Variants in SH3RF1 observed in about 807,000 individuals in gnomAD.
The protein encoded by SH3RF1 is E3 ubiquitin-protein ligase SH3RF1.
SH3RF1 carries 32 observed loss-of-function variants against 74.0 expected under a neutral mutation model. The ratio of observed to expected loss-of-function variants is 0.43; its 90% CI spans 0.33 to 0.58. SH3RF1 has a LOEUF of 0.58. SH3RF1 is among the 20% of genes least tolerant of loss of function. The probability of loss-of-function intolerance (pLI) is 0.05; values close to 1 mark genes in which losing one functional copy is unlikely to be tolerated. For synonymous variants in SH3RF1, 396 were observed against 439.6 expected (o/e 0.90, Z 1.24); for missense variants, 954 against 1,130.9 (o/e 0.84, Z 2.24).
In SH3RF1 at chr4:169,214,198, C is replaced by T. The variant is rs560566238; in HGVS notation, c.393+54622G>A. ...CCTTGCAATAATGAGTGAGCTCTCA[C>T]GAGATCTGGCTGTTTAAAAGTGTGT... On this transcript the variant is annotated intron_variant, in intron 2 of 11. Coordinates refer to ENST00000284637, the MANE Select transcript of SH3RF1 (RefSeq NM_020870.4). Among the ~76,000 whole-genome samples the T allele has an allele frequency of 2.6e-5, 4 of 152,268 alleles. No homozygotes were observed. In the East Asian group the frequency reaches 5.8e-4, roughly 22 times the overall value.
In SH3RF1 at chr4:169,117,784, T is replaced by C. The variant is rs1365775914; in HGVS notation, c.1518-2A>G. On this transcript the variant is annotated splice_acceptor_variant, in intron 8 of 11. Transcript: ENST00000284637. LOFTEE classifies it high-confidence loss of function. ...GCTTGGGAAGCATTTGTCACCGCCC[T>C]GCCAAGACACAAACATAGATGGAAA... 2 of 1,606,882 alleles carry C rather than the reference T, an allele frequency of 1.2e-6. No individual in the cohort carries two copies. Among genetic ancestry groups the C allele is most frequent in the Non-Finnish European group, 1.7e-6 (2 of 1,174,136 alleles).
At chr4:169,127,975 C>T (rs1221668900) in intron 6 of SH3RF1, among the ~76,000 whole-genome samples, 5 of 152,104 alleles carry the variant, frequency 3.3e-5, no homozygotes, top group Admixed American at 3.3e-4. Context: ...ATCTGAAATC[C>T]GAAATGCTCC....
At chr4:169,259,627 G>C (rs1461611867) in intron 2 of SH3RF1, among the ~76,000 whole-genome samples, 2 of 152,168 alleles carry the variant, frequency 1.3e-5, no homozygotes, top group African/African-American at 4.8e-5. Context: ...ATTTGTAAGA[G>C]AGCAGAAGAT....
chr4:169,225,486 C>T (rs1730642896), intron 2 of SH3RF1, among the ~76,000 whole-genome samples: 1 of 152,148 alleles, frequency 6.6e-6, no homozygotes, highest in Non-Finnish European at 1.5e-5. Flanking sequence ...GAAGGGAAGT[C>T]ATTTCAAGAA....
intron 2 of SH3RF1, chr4:169,166,199 C>A (rs1037897567): frequency 6.6e-6 from 1 of 151,814 alleles, no homozygotes; most frequent in Non-Finnish European, 1.5e-5. Flanking sequence ...GACTCAAATC[C>A]AGAATTAAAA....
chr4:169,191,592 G>A (rs1439986418), intron 2 of SH3RF1, among the ~76,000 whole-genome samples: 1 of 151,952 alleles, frequency 6.6e-6, no homozygotes, highest in Non-Finnish European at 1.5e-5. Context: ...GCCAAAGCAA[G>A]ACTAAGCAAA....
At chr4:169,137,982 G>T (rs1164705837) in intron 4 of SH3RF1, among the ~76,000 whole-genome samples, 1 of 152,176 alleles carries the variant, frequency 6.6e-6, no homozygotes, top group East Asian at 1.9e-4. Context: ...TAATCATTCA[G>T]AAATAATAGG....
At chr4:169,132,999 C>T (rs1401181740) in intron 5 of SH3RF1, among the ~76,000 whole-genome samples, 3 of 152,198 alleles carry the variant, frequency 2.0e-5, no homozygotes, top group African/African-American at 7.2e-5. Flanking sequence ...TCAATAGTCA[C>T]TAAATATAAT....
chr4:169,233,432 G>A (rs1730776706), intron 2 of SH3RF1, among the ~76,000 whole-genome samples: 1 of 152,038 alleles, frequency 6.6e-6, no homozygotes, highest in South Asian at 2.1e-4. Context: ...ACTATATTGA[G>A]TATGATTATT....
At chr4:169,220,039 A>G (rs919638976) in intron 2 of SH3RF1, 1 of 152,232 alleles carries the variant, frequency 6.6e-6, no homozygotes, top group Non-Finnish European at 1.5e-5. Flanking sequence ...GAAAGCAGAA[A>G]TGTGGGTTTT....
chr4:169,214,221 T>C (rs1730425436), intron 2 of SH3RF1, among the ~76,000 whole-genome samples: 1 of 152,162 alleles, frequency 6.6e-6, no homozygotes, highest in Non-Finnish European at 1.5e-5. Flanking sequence ...TTTAAAAGTG[T>C]GTGGCACCTC....
intron 2 of SH3RF1, among the ~76,000 whole-genome samples, chr4:169,231,771 C>T (rs1730743874): frequency 6.6e-6 from 1 of 152,136 alleles, no homozygotes; most frequent in Admixed American, 6.5e-5. Context: ...TCTGTGTGAA[C>T]CATCTGTTTT....
intron 2 of SH3RF1, among the ~76,000 whole-genome samples, chr4:169,235,308 G>C (rs952410526): frequency 6.6e-6 from 1 of 152,132 alleles, no homozygotes; most frequent in African/African-American, 2.4e-5. Context: ...TAAGTTTTTA[G>C]CAATGTCATT....
At chr4:169,225,545 A>G (rs115887677) in intron 2 of SH3RF1, among the ~76,000 whole-genome samples, 235 of 152,336 alleles carry the variant, frequency 1.5e-3, no homozygotes, top group African/African-American at 5.2e-3. Context: ...AGGAGGGTAA[A>G]CTGGGTAAAA....
intron 2 of SH3RF1, among the ~76,000 whole-genome samples, chr4:169,226,000 A>T (rs1473877448): frequency 6.6e-6 from 1 of 152,154 alleles, no homozygotes; most frequent in Non-Finnish European, 1.5e-5. Context: ...AACACAACAG[A>T]AGAGACAATG....
At chr4:169,208,493 A>C (rs1162532169) in intron 2 of SH3RF1, among the ~76,000 whole-genome samples, 1 of 152,230 alleles carries the variant, frequency 6.6e-6, no homozygotes, top group Non-Finnish European at 1.5e-5. Context: ...GTTTCTTAAA[A>C]ATATGAGTGT....
intron 2 of SH3RF1, among the ~76,000 whole-genome samples, chr4:169,202,990 G>T (rs1734935753): frequency 6.6e-6 from 1 of 152,108 alleles, no homozygotes; most frequent in African/African-American, 2.4e-5. Context: ...ACACTATTTG[G>T]GATAGACAGC....
intron 2 of SH3RF1, among the ~76,000 whole-genome samples, chr4:169,217,947 C>T (rs1730493485): frequency 6.6e-6 from 1 of 151,974 alleles, no homozygotes; most frequent in Non-Finnish European, 1.5e-5. Flanking sequence ...TGAGAACATT[C>T]CTATGGTTTT....
chr4:169,240,427 G>C (rs2110734561), intron 2 of SH3RF1, among the ~76,000 whole-genome samples: 1 of 152,036 alleles, frequency 6.6e-6, no homozygotes, highest in African/African-American at 2.4e-5. Flanking sequence ...CAAACTCCTG[G>C]GCTCAAGCAA....
Sources: gnomAD v4.1 joint callset for allele counts (sites outside exome capture counted in the v4.1 genomes callset) on GRCh38, gnomAD v4.1.1 for gene constraint, MANE v1.5 for transcripts, NCBI Gene and HGNC (gene_info 2026-07-23, HGNC 2026-07-21) for gene names.